Variants in LRRC4C observed in about 807,000 individuals in gnomAD.
The protein encoded by LRRC4C is leucine-rich repeat-containing protein 4C.
In LRRC4C, 5 loss-of-function variants were observed where a neutral mutation model predicts 33.6. That is an observed-to-expected ratio of 0.15 (90% CI 0.08 to 0.31). The LOEUF is 0.31. LRRC4C is among the 10% of genes least tolerant of loss of function. LRRC4C has a pLI of 1.00. For missense variants in LRRC4C, 560 were observed against 796.7 expected (o/e 0.70, Z 3.58); for synonymous variants, 329 against 302.0 (o/e 1.09, Z -0.93).
chr11:40,916,375 T>G (rs1956958637), intron 2 of LRRC4C, among the ~76,000 whole-genome samples: 1 of 151,936 alleles, frequency 6.6e-6, no homozygotes, highest in African/African-American at 2.4e-5. Flanking sequence ...CCATGAAAAA[T>G]GATGAGTTCA....
intron 1 of LRRC4C, among the ~76,000 whole-genome samples, chr11:41,413,239 T>C (rs539441040): frequency 1.4e-4 from 21 of 152,310 alleles, no homozygotes; most frequent in Middle Eastern, 6.8e-3. Context: ...CCACAAAGAA[T>C]GGATTCTGCA....
At chr11:40,489,715 C>G (rs1954050754) in intron 3 of LRRC4C, among the ~76,000 whole-genome samples, 1 of 152,018 alleles carries the variant, frequency 6.6e-6, no homozygotes, top group African/African-American at 2.4e-5. Context: ...TCTACCTTTC[C>G]TTTTTTCACT....
chr11:41,070,443 T>C (rs1370724127), intron 1 of LRRC4C, among the ~76,000 whole-genome samples: 1 of 152,106 alleles, frequency 6.6e-6, no homozygotes, highest in Non-Finnish European at 1.5e-5. Context: ...AAAAAGCTTC[T>C]GCATAGCAAA....
chr11:40,906,203 A>T (rs577389449), intron 2 of LRRC4C, among the ~76,000 whole-genome samples: 1 of 152,310 alleles, frequency 6.6e-6, no homozygotes, highest in Non-Finnish European at 1.5e-5. Flanking sequence ...ACACAATGCC[A>T]TCGCACACTT....
At chr11:41,275,450 T>C (rs1287882180) in intron 1 of LRRC4C, among the ~76,000 whole-genome samples, 3 of 152,222 alleles carry the variant, frequency 2.0e-5, no homozygotes, top group Non-Finnish European at 4.4e-5. Context: ...TCTATCATTA[T>C]TGTCCTTTCA....
At chr11:40,710,206 C>A (rs1946390897) in intron 2 of LRRC4C, among the ~76,000 whole-genome samples, 1 of 152,212 alleles carries the variant, frequency 6.6e-6, no homozygotes, top group Non-Finnish European at 1.5e-5. Context: ...TCGTCAAAGT[C>A]ATTCTCCATC....
chr11:40,524,595 A>C (rs1052235730), intron 3 of LRRC4C, among the ~76,000 whole-genome samples: 1 of 152,146 alleles, frequency 6.6e-6, no homozygotes, highest in Admixed American at 6.6e-5. Flanking sequence ...TTATATTCTT[A>C]AAAAAAGGTG....
At chr11:40,730,858 A>G (rs951343853) in intron 2 of LRRC4C, among the ~76,000 whole-genome samples, 2 of 152,080 alleles carry the variant, frequency 1.3e-5, no homozygotes, top group African/African-American at 4.8e-5. Flanking sequence ...TTTATTTTTT[A>G]CTTTCTGATA....
chr11:41,069,314 T>A (rs1590420992), intron 1 of LRRC4C, among the ~76,000 whole-genome samples: 1 of 152,200 alleles, frequency 6.6e-6, no homozygotes, highest in Non-Finnish European at 1.5e-5. Flanking sequence ...GCCATTATCA[T>A]GTGGAATGGG....
intron 1 of LRRC4C, among the ~76,000 whole-genome samples, chr11:41,389,885 G>T (rs547870198): frequency 6.6e-6 from 1 of 151,626 alleles, no homozygotes; most frequent in Non-Finnish European, 1.5e-5. Context: ...TTATTCATTT[G>T]GACCATACCC....
Position 40,786,099 on chromosome 11 carries a change from T to C in LRRC4C, c.-406-137821A>G, listed in dbSNP as rs149700287. 7.9e-3 allele frequency among the ~76,000 whole-genome samples: 1,202 copies of C among 152,332 alleles called. 21 individuals are homozygous for C. The highest frequency in any genetic ancestry group is 0.027 in the African/African-American group (1,133 of 41,580). On this transcript the variant is annotated intron_variant, in intron 2 of 6. Coordinates refer to ENST00000528697, the MANE Select transcript of LRRC4C (RefSeq NM_001258419.2). The stretch of plus-strand genomic sequence containing the variant: ...TCATACGAACGATGAAAGACAAAGT[T>C]AATTAGCTCTGGAAGCTTCTATGCT...
intron 1 of LRRC4C, among the ~76,000 whole-genome samples, chr11:41,387,782 A>G (rs915909668): frequency 2.6e-5 from 4 of 151,790 alleles, no homozygotes; most frequent in African/African-American, 7.3e-5. Context: ...GTTAGCTGCA[A>G]TGGCTAAATA....
At chr11:41,441,500 C>A (rs1472315036) in intron 1 of LRRC4C, among the ~76,000 whole-genome samples, 2 of 145,646 alleles carry the variant, frequency 1.4e-5, no homozygotes, top group Non-Finnish European at 3.0e-5. Context: ...TTTTTTTTTT[C>A]CACATCTCAT....
In LRRC4C at chr11:40,571,146, G is replaced by A. The variant is rs368017098; in HGVS notation, c.-270+76996C>T. ...GCATTAATGGTAGTAATTAGGATAC[G>A]TAATTATGTATTTTATAAACAGCAT... On this transcript the variant is annotated intron_variant, in intron 3 of 6. Coordinates refer to ENST00000528697, the MANE Select transcript of LRRC4C (RefSeq NM_001258419.2). Among the ~76,000 whole-genome samples, 5 of 152,086 alleles carry A rather than the reference G, an allele frequency of 3.3e-5. No individual in the cohort carries two copies. In the South Asian group the frequency reaches 8.3e-4, roughly 25 times the overall value.
chr11:41,245,420 G>C (rs1020632785), intron 1 of LRRC4C, among the ~76,000 whole-genome samples: 1 of 152,194 alleles, frequency 6.6e-6, no homozygotes, highest in African/African-American at 2.4e-5. Flanking sequence ...CAGGCATCCC[G>C]GCCAAGGCAT....
At chr11:40,471,688 A>G (rs939598599) in intron 3 of LRRC4C, among the ~76,000 whole-genome samples, 1 of 151,764 alleles carries the variant, frequency 6.6e-6, no homozygotes, top group Non-Finnish European at 1.5e-5. Context: ...AAGCCAAAAA[A>G]AAAAAAAAGC....
In LRRC4C at chr11:40,900,401, C is replaced by A. The variant is rs577050866; in HGVS notation, c.-407+33234G>T. Among the ~76,000 whole-genome samples the A allele has an allele frequency of 7.9e-5, 12 of 152,148 alleles. No homozygotes were observed. In the South Asian group the frequency reaches 2.1e-3, roughly 26 times the overall value. On this transcript the variant is annotated intron_variant, in intron 2 of 6. Coordinates refer to ENST00000528697, the MANE Select transcript of LRRC4C (RefSeq NM_001258419.2). ...ACATTTATCTAAAGACTAATGATTT[C>A]TCTCAGTGGCAAGTGGTATTTAGAA...
chr11:41,398,265 A>G (rs1953896023), intron 1 of LRRC4C, among the ~76,000 whole-genome samples: 1 of 151,904 alleles, frequency 6.6e-6, no homozygotes, highest in Non-Finnish European at 1.5e-5. Context: ...CATTTTGCAC[A>G]CTTTTTTTAA....
chr11:41,330,061 G>T (rs1451488739), intron 1 of LRRC4C, among the ~76,000 whole-genome samples: 21 of 152,164 alleles, frequency 1.4e-4, no homozygotes, highest in Admixed American at 1.4e-3. Context: ...GCCAAGAAGG[G>T]TTCACCATTT....
Sources: gnomAD v4.1 joint callset for allele counts (sites outside exome capture counted in the v4.1 genomes callset) on GRCh38, gnomAD v4.1.1 for gene constraint, MANE v1.5 for transcripts, NCBI Gene and HGNC (gene_info 2026-07-23, HGNC 2026-07-21) for gene names.